FRMD3: variants seen among roughly 807,000 people sequenced by gnomAD.
FRMD3 encodes the protein FERM domain-containing protein 3.
FRMD3 carries 33 observed loss-of-function variants against 70.2 expected under a neutral mutation model. The observed-to-expected ratio is 0.47, with a 90% CI of 0.36 to 0.63. FRMD3 has a LOEUF of 0.63. FRMD3 is among the 20% of genes least tolerant of loss of function. The pLI is 0.00. For synonymous variants in FRMD3, 279 were observed against 255.9 expected, an observed-to-expected ratio of 1.09 and a Z score of -0.86; for missense variants, 632 against 711.4, an observed-to-expected ratio of 0.89 and a Z score of 1.27.
Position 83,247,875 on chromosome 9 carries a change from C to A in FRMD3, c.*43G>T. The A allele has an allele frequency of 9.4e-6, 15 of 1,587,558 alleles. No individual in the cohort carries two copies. The highest frequency in any genetic ancestry group is 1.3e-5 in the Non-Finnish European group (15 of 1,165,974). On this transcript the variant is annotated 3_prime_UTR_variant, in exon 14 of 14. Coordinates refer to ENST00000304195, the MANE Select transcript of FRMD3 (RefSeq NM_174938.6). ...CAGGCATTTGCTGAAAAAAAGAAAT[C>A]ACTAGCATTGAATATAGCCCTTAGT...
At chr9:83,548,111 G>A in the FRMD3 span, among the ~76,000 whole-genome samples, 1 of 152,180 alleles carries the variant, frequency 6.6e-6, no homozygotes, top group Non-Finnish European at 1.5e-5. Context: ...AATTCTCATT[G>A]ATCACTGGTG....
intron 1 of FRMD3, among the ~76,000 whole-genome samples, chr9:83,447,006 T>TTGTTC (rs1564081806): frequency 6.0e-4 from 90 of 150,466 alleles, no homozygotes; most frequent in African/African-American, 2.2e-3. Flanking sequence ...TTGTTTTGTT[T>TTGTTC]TGTTTTGTTT....
At chr9:83,311,701 C>T (rs1835363553) in intron 8 of FRMD3, among the ~76,000 whole-genome samples, 186 bp downstream of exon 8, 1 of 152,024 alleles carries the variant, frequency 6.6e-6, no homozygotes, top group Admixed American at 6.6e-5. Flanking sequence ...AAGTTGACTC[C>T]TCAGCTTGGC....
At chr9:83,290,056 G>A (rs1834361136) in intron 13 of FRMD3, among the ~76,000 whole-genome samples, 1 of 152,126 alleles carries the variant, frequency 6.6e-6, no homozygotes, top group Non-Finnish European at 1.5e-5. Flanking sequence ...AAGAAGCCTG[G>A]GGGAATAAAT....
In FRMD3 at chr9:83,400,999, C is replaced by T. The variant is rs115509573; in HGVS notation, c.148-11291G>A. On this transcript the variant is annotated intron_variant, in intron 1 of 13. Coordinates refer to ENST00000304195, the MANE Select transcript of FRMD3 (RefSeq NM_174938.6). ...CCAAACTCTCTGGGATTCACCATCT[C>T]CTTGAGCCACATCAGGAGATGCTAG... 4.4e-3 allele frequency among the ~76,000 whole-genome samples: 676 copies of T among 152,322 alleles called. 3 individuals carry two copies. The highest frequency in any genetic ancestry group is 0.015 in the African/African-American group (643 of 41,584).
chr9:83,361,560 T>C (rs904367222), intron 3 of FRMD3, among the ~76,000 whole-genome samples: 2 of 152,090 alleles, frequency 1.3e-5, no homozygotes, highest in African/African-American at 2.4e-5. Flanking sequence ...CAAAGGGGGC[T>C]AGAGGTAGTA....
chr9:83,437,062 G>A (rs1294572786), intron 1 of FRMD3, among the ~76,000 whole-genome samples: 1 of 152,266 alleles, frequency 6.6e-6, no homozygotes, highest in East Asian at 1.9e-4. Context: ...TGGAAATAAG[G>A]CAAAAAGACG....
At chr9:83,254,969 C>T (rs1832630769) in intron 13 of FRMD3, among the ~76,000 whole-genome samples, 1 of 152,120 alleles carries the variant, frequency 6.6e-6, no homozygotes, top group Non-Finnish European at 1.5e-5. Context: ...AAAGCTGGTA[C>T]CATTTATACT....
At position 83,334,324 on chromosome 9, in the gene FRMD3, T is replaced by C. The variant is rs145580522; in HGVS notation, c.596+1192A>G. On this transcript the variant is annotated intron_variant, in intron 6 of 13. Transcript: ENST00000304195. ...TTCTGAAAGTAGTACAATGTTTTGA[T>C]GTCTAATCATCTTTATCTCTAAGAC... 5.7e-4 allele frequency among the ~76,000 whole-genome samples: 87 copies of C among 152,338 alleles called. No homozygotes were observed. The East Asian group carries it at 0.016, about 28-fold the overall frequency.
chr9:83,538,372 G>A lies in FRMD3; in HGVS notation c.-141C>T. The A allele has an allele frequency of 4.4e-6, 3 of 687,386 alleles. No individual in the cohort carries two copies. The highest frequency in any genetic ancestry group is 4.4e-5 in the Admixed American group (1 of 22,834). 42.6% of individuals were successfully genotyped at this position (687,386 alleles called of 1,614,324 possible). A position where few individuals can be genotyped will look rare whatever the true frequency, so the allele number is the denominator to read the frequency against. On this transcript the variant is annotated 5_prime_UTR_variant, in exon 1 of 14. Coordinates refer to ENST00000304195, the MANE Select transcript of FRMD3 (RefSeq NM_174938.6). The surrounding 1 kb of genome is among the most constrained non-coding windows in gnomAD (Gnocchi z 4.7). ...ACATCGGCAGCGTCGGGCGCCTGCG[G>A]ACACACATGCCCAGCGGCCGGGGCG...
At chr9:83,500,450 C>G (rs1564106070) in intron 1 of FRMD3, among the ~76,000 whole-genome samples, 3 of 151,354 alleles carry the variant, frequency 2.0e-5, no homozygotes, top group African/African-American at 7.3e-5. Context: ...ATTTCCTACT[C>G]TAACATATTT....
chr9:83,316,148 C>CTTTTTTTTTTTTTTTT (rs369641019), intron 6 of FRMD3, among the ~76,000 whole-genome samples: 2 of 134,488 alleles, frequency 1.5e-5, no homozygotes, highest in African/African-American at 2.8e-5. Context: ...TCTTTTTTCT[C>CTTTTTTTTTTTTTTTT]TTTTTTTTTT....
At chr9:83,519,648 T>A (rs1257149252) in intron 1 of FRMD3, among the ~76,000 whole-genome samples, 1 of 152,202 alleles carries the variant, frequency 6.6e-6, no homozygotes, top group Non-Finnish European at 1.5e-5. Context: ...ACTGGGTATA[T>A]ACCCAAAGGA....
intron 10 of FRMD3, among the ~76,000 whole-genome samples, chr9:83,299,869 A>C (rs1834834743): frequency 6.6e-6 from 1 of 152,152 alleles, no homozygotes. Context: ...CAAAACAACA[A>C]CACTCTGAAA....
intron 13 of FRMD3, among the ~76,000 whole-genome samples, chr9:83,255,074 C>T (rs542318389): frequency 3.9e-5 from 6 of 152,150 alleles, no homozygotes; most frequent in Admixed American, 1.3e-4. Flanking sequence ...AGAGATACAA[C>T]GAAAAAAGTA....
In FRMD3 at chr9:83,372,964, GAAAA is replaced by G; in HGVS notation, c.253-13_253-10del. The stretch of plus-strand genomic sequence containing the variant: ...TTAGGTTCAAGCCAGTGCTAGGGAG[GAAAA>G]AAAAAAAAGCAGAGATCAGGGGTCA... On this transcript the variant is annotated splice_polypyrimidine_tract_variant and intron_variant, in intron 2 of 13. Transcript: ENST00000304195. 2.8e-6 allele frequency: 4 copies of G among 1,416,600 alleles called. No individual in the cohort carries two copies. The allele number at this position is 1,416,600 out of a possible 1,614,324, so 87.8% of individuals were successfully genotyped here. A position where few individuals can be genotyped will look rare whatever the true frequency, so the allele number is the denominator to read the frequency against.
chr9:83,433,542 C>T (rs1827042863), intron 1 of FRMD3, among the ~76,000 whole-genome samples: 1 of 152,212 alleles, frequency 6.6e-6, no homozygotes, highest in Admixed American at 6.5e-5. Flanking sequence ...GACTCAAGCA[C>T]ATCACATTTA....
intron 1 of FRMD3, among the ~76,000 whole-genome samples, chr9:83,445,597 C>T (rs3860926): frequency 0.29 from 43,937 of 152,060 alleles, 6,641 homozygotes; most frequent in Non-Finnish European, 0.34. Context: ...AGGATGCCTC[C>T]TTATTTATCC....
chr9:83,476,449 T>G lies in FRMD3; in HGVS notation c.147+61636A>C, dbSNP rs1006437114. Among the ~76,000 whole-genome samples the G allele has an allele frequency of 1.3e-4, 19 of 151,770 alleles. 1 individual carries two copies. Among genetic ancestry groups the G allele is most frequent in the Admixed American group, 9.2e-4 (14 of 15,226 alleles). On this transcript the variant is annotated intron_variant, in intron 1 of 13. Transcript: ENST00000304195. ...GGCTTAAAGAATGGTGGTGACACTG[T>G]CAGAAATATTGAAGAAGTGCTGGTT...
Sources: allele counts gnomAD v4.1 joint callset (sites outside exome capture counted in the v4.1 genomes callset), GRCh38; gene constraint gnomAD v4.1.1; non-coding constraint Gnocchi (gnomAD v3.1); transcripts MANE v1.5; gene names NCBI Gene and HGNC (gene_info 2026-07-23, HGNC 2026-07-21).